Variants in RNGTT observed in about 807,000 individuals in gnomAD.
RNGTT encodes RNA guanylyltransferase and 5'-phosphatase.
RNGTT carries 33 observed loss-of-function variants against 79.3 expected under a neutral mutation model. The observed-to-expected ratio is 0.42, with a 90% confidence interval of 0.32 to 0.56. The LOEUF (loss-of-function observed/expected upper bound fraction) is 0.56, where lower values mean the gene tolerates loss of function less well. RNGTT is among the 20% of genes least tolerant of loss of function. The pLI is 0.17. For missense variants in RNGTT, 497 were observed against 739.1 expected (o/e 0.67, Z 3.80); for synonymous variants, 222 against 235.9 (o/e 0.94, Z 0.54).
chr6:88,752,336 C>T (rs1167132623), intron 13 of RNGTT, among the ~76,000 whole-genome samples: 3 of 152,004 alleles, frequency 2.0e-5, no homozygotes, highest in Non-Finnish European at 4.4e-5. Flanking sequence ...AAGAAATGTA[C>T]AGTGGCTAAA....
At chr6:88,733,372 C>G (rs959420304) in intron 13 of RNGTT, among the ~76,000 whole-genome samples, 3 of 150,318 alleles carry the variant, frequency 2.0e-5, no homozygotes, top group Middle Eastern at 3.4e-3. Flanking sequence ...CCCCCACCCC[C>G]CCTCCAAAAA....
intron 14 of RNGTT, among the ~76,000 whole-genome samples, chr6:88,676,755 C>T (rs1375490698): frequency 1.3e-5 from 2 of 152,082 alleles, no homozygotes; most frequent in Non-Finnish European, 2.9e-5. Context: ...TTTAAAATAA[C>T]AAGATTTGAA....
Position 88,844,478 on chromosome 6 carries a change from C to T in RNGTT, c.1148G>A (p.Cys383Tyr), listed in dbSNP as rs566079418. The T allele has an allele frequency of 2.5e-6, 4 of 1,613,642 alleles. No individual in the cohort carries two copies. The highest frequency in any genetic ancestry group is 3.4e-6 in the Non-Finnish European group (4 of 1,179,822). The change falls in exon 11 of 16, where the codon TGT (cysteine) becomes TAT (tyrosine). Residue 383 changes from cysteine (C) to tyrosine (Y), a missense_variant. This residue lies in a region of RNGTT where 440 missense variants were observed against 671.5 expected (regional missense o/e 0.66). Coordinates refer to ENST00000369485, the MANE Select transcript of RNGTT (RefSeq NM_003800.5). ...GDCDFNVRLQ[C>Y]IEREIISPRH... ...AGGACTTATAATTTCTCGTTCTATA[C>T]ACTGCAGACGAACATTAAAATCACA...
chr6:88,633,193 C>A (rs1772970161), intron 14 of RNGTT, among the ~76,000 whole-genome samples: 1 of 151,122 alleles, frequency 6.6e-6, no homozygotes, highest in Non-Finnish European at 1.5e-5. Flanking sequence ...CTTGAGTGAA[C>A]AAAACAAGTC....
Position 88,810,834 on chromosome 6 carries a change from T to C in RNGTT, c.1270-9202A>G, listed in dbSNP as rs755436327. Among the ~76,000 whole-genome samples, 3 of 152,178 alleles carry C rather than the reference T, an allele frequency of 2.0e-5. 1 individual carries two copies. The South Asian group carries it at 6.2e-4, about 31-fold the overall frequency. ...GATTAACATCCCAATAAAAATACAA[T>C]TGCATGCAGTGTTCATGAGATAGAT... is the stretch of plus-strand genomic sequence containing the variant. On this transcript the variant is annotated intron_variant, in intron 11 of 15. Transcript: ENST00000369485.
chr6:88,930,082 ATATATACATATACG>A (rs1380650044), intron 2 of RNGTT, among the ~76,000 whole-genome samples: 26 of 119,782 alleles, frequency 2.2e-4, no homozygotes, highest in African/African-American at 6.8e-4. Flanking sequence ...ATACATATAC[ATATATACATATACG>A]TATATACATA....
intron 11 of RNGTT, among the ~76,000 whole-genome samples, chr6:88,808,285 C>A (rs1369877917): frequency 6.6e-6 from 1 of 151,996 alleles, no homozygotes; most frequent in Admixed American, 6.6e-5. Context: ...GAGGTAAGAA[C>A]CCCAACTAGG....
chr6:88,766,910 T>C (rs1210871671), intron 13 of RNGTT, among the ~76,000 whole-genome samples: 2 of 152,096 alleles, frequency 1.3e-5, no homozygotes, highest in Non-Finnish European at 2.9e-5. Context: ...TGCTTAATGA[T>C]TCAGAGACAT....
intron 8 of RNGTT, among the ~76,000 whole-genome samples, chr6:88,877,494 T>C (rs1283675448): frequency 6.6e-6 from 1 of 152,200 alleles, no homozygotes; most frequent in African/African-American, 2.4e-5. Context: ...TTTGAATCTC[T>C]GAATTTTTTT....
chr6:88,932,897 T>C (rs1385277162), intron 2 of RNGTT, among the ~76,000 whole-genome samples: 3 of 152,206 alleles, frequency 2.0e-5, no homozygotes, highest in African/African-American at 4.8e-5. Context: ...TTCTGAAGCA[T>C]ATACTCTAAT....
chr6:88,944,290 G>A (rs1038471418), intron 1 of RNGTT, among the ~76,000 whole-genome samples: 10 of 152,166 alleles, frequency 6.6e-5, no homozygotes, highest in African/African-American at 2.4e-4. Flanking sequence ...TAAGTAACTT[G>A]CCACATGTCA....
chr6:88,806,229 G>T (rs545889495), intron 11 of RNGTT, among the ~76,000 whole-genome samples: 1 of 151,862 alleles, frequency 6.6e-6, no homozygotes, highest in South Asian at 2.1e-4. Context: ...CAAAGAGAGG[G>T]TCTATATTTT....
chr6:88,877,225 T>A (rs1782546008), intron 8 of RNGTT, among the ~76,000 whole-genome samples: 1 of 152,234 alleles, frequency 6.6e-6, no homozygotes, highest in Non-Finnish European at 1.5e-5. Context: ...AGTCTTCAGT[T>A]ATAACAACAA....
intron 13 of RNGTT, among the ~76,000 whole-genome samples, chr6:88,694,134 C>T (rs1775576052): frequency 6.6e-6 from 1 of 152,010 alleles, no homozygotes; most frequent in Admixed American, 6.6e-5. Flanking sequence ...GAAAAGGCAT[C>T]CAAATAGGAA....
At chr6:88,959,636 A>G (rs1785548871) in intron 1 of RNGTT, among the ~76,000 whole-genome samples, 1 of 152,182 alleles carries the variant, frequency 6.6e-6, no homozygotes, top group South Asian at 2.1e-4. Context: ...CACCTGGACT[A>G]CAACAAGTTC....
chr6:88,954,429 G>T (rs770624212), intron 1 of RNGTT, among the ~76,000 whole-genome samples: 1 of 152,014 alleles, frequency 6.6e-6, no homozygotes, highest in African/African-American at 2.4e-5. Flanking sequence ...CGTCCAACAG[G>T]AAAATATCAC....
At chr6:88,954,303 C>A (rs147811104) in intron 1 of RNGTT, among the ~76,000 whole-genome samples, 1 of 151,930 alleles carries the variant, frequency 6.6e-6, no homozygotes, top group Non-Finnish European at 1.5e-5. Flanking sequence ...ATATTCTACA[C>A]AACTGGAAAT....
At chr6:88,648,892 A>C (rs1773686658) in intron 14 of RNGTT, among the ~76,000 whole-genome samples, 1 of 152,202 alleles carries the variant, frequency 6.6e-6, no homozygotes, top group Non-Finnish European at 1.5e-5. Flanking sequence ...GCTATGAGTA[A>C]GTTGAAGGCA....
chr6:88,821,272 T>C (rs1780488652), intron 11 of RNGTT, among the ~76,000 whole-genome samples: 2 of 152,130 alleles, frequency 1.3e-5, no homozygotes, highest in South Asian at 4.1e-4. Context: ...AATTCTGAAG[T>C]TGCAAACTTA....
Sources: allele counts gnomAD v4.1 joint callset (sites outside exome capture counted in the v4.1 genomes callset), GRCh38; gene constraint gnomAD v4.1.1; regional missense constraint gnomAD v4.1.1; transcripts MANE v1.5; gene names NCBI Gene and HGNC (gene_info 2026-07-23, HGNC 2026-07-21).